The following ANKRD44 variants were observed in gnomAD, a reference collection of about 807,000 sequenced individuals.
ANKRD44 encodes serine/threonine-protein phosphatase 6 regulatory ankyrin repeat subunit B.
In ANKRD44, 35 loss-of-function variants were observed where a neutral mutation model predicts 116.0. The ratio of observed to expected loss-of-function variants is 0.30; its 90% CI spans 0.23 to 0.40. The LOEUF (loss-of-function observed/expected upper bound fraction) is 0.40, where lower values mean the gene tolerates loss of function less well. Ranked by LOEUF, ANKRD44 falls within the 10% of genes least tolerant of loss-of-function variation. ANKRD44 has a pLI of 1.00. For missense variants in ANKRD44, 1,014 were observed against 1,242.6 expected (o/e 0.82, Z 2.77); for synonymous variants, 435 against 461.8 (o/e 0.94, Z 0.74).
intron 1 of ANKRD44, among the ~76,000 whole-genome samples, chr2:197,256,392 T>C (rs1447168591): frequency 6.6e-6 from 1 of 152,140 alleles, no homozygotes; most frequent in East Asian, 1.9e-4. Flanking sequence ...ACTTTAATGC[T>C]CCAAAATTTA....
intron 1 of ANKRD44, among the ~76,000 whole-genome samples, chr2:197,270,134 T>C (rs572341566): frequency 2.2e-4 from 33 of 152,124 alleles, no homozygotes; most frequent in Admixed American, 4.6e-4. Context: ...GGGGATGCTA[T>C]TGTTCCCAGT....
At chr2:197,163,703 C>T (rs1484789977) in intron 2 of ANKRD44, among the ~76,000 whole-genome samples, 1 of 152,136 alleles carries the variant, frequency 6.6e-6, no homozygotes, top group East Asian at 1.9e-4. Flanking sequence ...CAGTGGCTCA[C>T]TGCAACCTCC....
intron 1 of ANKRD44, among the ~76,000 whole-genome samples, chr2:197,216,414 G>A (rs1452449125): frequency 2.0e-5 from 3 of 152,160 alleles, no homozygotes; most frequent in African/African-American, 7.2e-5. Context: ...CAATGTCATT[G>A]CAGGGAAAAT....
At chr2:196,989,868 G>A (rs1405200079) in intron 27 of ANKRD44, 2 of 1,211,496 alleles carry the variant, frequency 1.7e-6, no homozygotes, top group Non-Finnish European at 2.1e-6. Flanking sequence ...TTTTTTAAAA[G>A]TTAGTATTTT....
chr2:197,254,301 G>A (rs917082719), intron 1 of ANKRD44, among the ~76,000 whole-genome samples: 8 of 152,090 alleles, frequency 5.3e-5, no homozygotes, highest in Non-Finnish European at 1.0e-4. Context: ...GCTGAGGCAG[G>A]AGAACCTGGG....
intron 17 of ANKRD44, among the ~76,000 whole-genome samples, chr2:197,024,964 T>C (rs544025017): frequency 6.6e-6 from 1 of 152,190 alleles, no homozygotes; most frequent in East Asian, 1.9e-4. Flanking sequence ...ATTTCGCAGA[T>C]GGGGAAACTG....
intron 2 of ANKRD44, among the ~76,000 whole-genome samples, chr2:197,157,591 T>C (rs966998748): frequency 6.6e-6 from 1 of 150,996 alleles, no homozygotes; most frequent in African/African-American, 2.4e-5. Flanking sequence ...GGCAGGAGAA[T>C]TGCTTGAGCC....
chr2:197,309,920 T>C (rs1046081954), intron 1 of ANKRD44, among the ~76,000 whole-genome samples: 2 of 152,168 alleles, frequency 1.3e-5, no homozygotes, highest in East Asian at 1.9e-4. Context: ...ACAAAGCTGG[T>C]AGACACAGGC....
intron 17 of ANKRD44, among the ~76,000 whole-genome samples, chr2:197,023,920 T>A (rs1419080255): frequency 6.6e-6 from 1 of 152,216 alleles, no homozygotes; most frequent in Non-Finnish European, 1.5e-5. Context: ...GATGCACACT[T>A]TACCCTGATT....
rs78874066 is a variant in ANKRD44, at chr2:197,101,041, C to A, written c.986-1111G>T. Among the ~76,000 whole-genome samples, 1,390 of 152,212 alleles carry A rather than the reference C, an allele frequency of 9.1e-3. 7 individuals are homozygous for A. The highest frequency in any genetic ancestry group is 0.013 in the Non-Finnish European group (903 of 68,004). ...ACATAACCACAATTCCATCATTTTA[C>A]CCAAGAAATTTAACATTCATAAAAT... On this transcript the variant is annotated intron_variant, in intron 9 of 27. Coordinates refer to ENST00000282272, the MANE Select transcript of ANKRD44 (RefSeq NM_001195144.2).
At chr2:197,064,008 C>T (rs1000290637) in intron 16 of ANKRD44, among the ~76,000 whole-genome samples, 12 of 152,020 alleles carry the variant, frequency 7.9e-5, no homozygotes, top group Admixed American at 6.6e-4. Context: ...GTCAGATTCA[C>T]CAAAGATGAA....
chr2:197,188,023 T>C (rs529401095), intron 1 of ANKRD44, among the ~76,000 whole-genome samples: 6 of 152,012 alleles, frequency 3.9e-5, no homozygotes, highest in African/African-American at 1.4e-4. Context: ...TGTGTCGGTA[T>C]TTGGAAAACC....
At chr2:197,244,738 G>A (rs1262853256) in intron 1 of ANKRD44, among the ~76,000 whole-genome samples, 1 of 152,184 alleles carries the variant, frequency 6.6e-6, no homozygotes, top group African/African-American at 2.4e-5. Context: ...TTTAAAGAGA[G>A]CTGACTCTAC....
chr2:196,972,426 T>C (rs963375119), intron 21 of ANKRD44, among the ~76,000 whole-genome samples: 1 of 152,146 alleles, frequency 6.6e-6, no homozygotes, highest in African/African-American at 2.4e-5. Flanking sequence ...GGTCTCGAAC[T>C]CCTGGCCTCA....
intron 1 of ANKRD44, among the ~76,000 whole-genome samples, chr2:197,245,149 C>T (rs768269856): frequency 6.6e-6 from 1 of 151,938 alleles, no homozygotes; most frequent in African/African-American, 2.4e-5. Context: ...AATCCCAGCT[C>T]CTGGGGAGGC....
intron 1 of ANKRD44, among the ~76,000 whole-genome samples, chr2:197,284,846 A>C (rs996834217): frequency 6.6e-6 from 1 of 151,326 alleles, no homozygotes. Flanking sequence ...AGATTACACC[A>C]CTGTACCCCA....
chr2:197,129,700 A>T (rs976140790), intron 4 of ANKRD44, among the ~76,000 whole-genome samples: 2 of 152,220 alleles, frequency 1.3e-5, no homozygotes, highest in African/African-American at 4.8e-5. Flanking sequence ...AGGCCACTTC[A>T]ACCTTGAAAT....
chr2:197,197,763 TCACACCATTG>T (rs1157653805), intron 1 of ANKRD44, among the ~76,000 whole-genome samples: 1 of 131,358 alleles, frequency 7.6e-6, no homozygotes, highest in Admixed American at 8.6e-5. Flanking sequence ...TGAGCCATGC[TCACACCATTG>T]CACTCCAGCC....
At position 197,000,639 on chromosome 2, in the gene ANKRD44, T is replaced by C. The variant is rs527844263; in HGVS notation, c.2436-137A>G. ...CGAACGTAAATATTTGTGGTATATG[T>C]TTCAATGGCATACATTTTGTAACCC... On this transcript the variant is annotated intron_variant, in intron 22 of 27. Transcript: ENST00000282272. 5 of 690,010 alleles carry C rather than the reference T, an allele frequency of 7.2e-6. No homozygotes were observed. In the East Asian group the frequency reaches 1.1e-4, roughly 15 times the overall value. The allele number at this position is 690,010 out of a possible 1,614,324, so 42.7% of individuals were successfully genotyped here.
Sources: gnomAD v4.1 joint callset for allele counts (sites outside exome capture counted in the v4.1 genomes callset) on GRCh38, gnomAD v4.1.1 for gene constraint, MANE v1.5 for transcripts, NCBI Gene and HGNC (gene_info 2026-07-23, HGNC 2026-07-21) for gene names.